RNF212B: variants seen among roughly 807,000 people sequenced by gnomAD.
RNF212B encodes the protein ring finger protein 212B, also known as E3 ubiquitin-protein ligase RNF212B.
Under a neutral mutation model 55.5 loss-of-function variants are expected in RNF212B, and 52 were observed. That is an observed-to-expected ratio of 0.94 (90% CI 0.75 to 1.18). The LOEUF (loss-of-function observed/expected upper bound fraction) is 1.18. Among genes scored for constraint, RNF212B ranks in the 50% most tolerant of loss-of-function variants. The probability of loss-of-function intolerance (pLI) is 0.00; values close to 1 mark genes in which losing one functional copy is unlikely to be tolerated. For synonymous variants in RNF212B, 99 were observed against 121.4 expected (o/e 0.82, Z 1.21); for missense variants, 289 against 350.4 (o/e 0.82, Z 1.40).
At chr14:23,264,801 C>A in intron 11 of RNF212B, 130 bp downstream of exon 11, 2 of 422,880 alleles carry the variant, frequency 4.7e-6, no homozygotes, top group Non-Finnish European at 8.0e-6. Context: ...TCCATGTATC[C>A]ATACATATAT....
At chr14:23,227,813 G>A (rs1415690371) in intron 2 of RNF212B, among the ~76,000 whole-genome samples, 1 of 152,014 alleles carries the variant, frequency 6.6e-6, no homozygotes, top group Non-Finnish European at 1.5e-5. Context: ...TGGCCAGGCT[G>A]ATCTCAAACT....
Position 23,209,615 on chromosome 14 carries a change from A to C in RNF212B, c.-2+16214A>C, listed in dbSNP as rs575637168. Among the ~76,000 whole-genome samples, 12 of 152,296 alleles carry C rather than the reference A, an allele frequency of 7.9e-5. No individual in the cohort carries two copies. In the East Asian group the frequency reaches 2.3e-3, roughly 29 times the overall value. On this transcript the variant is annotated intron_variant, in intron 2 of 15. Coordinates refer to the RNF212B transcript ENST00000399910. ...TACTTTGACTTCCAAATTTTAAATA[A>C]TATATGTAGATACTTTTTCTTGCAG...
chr14:23,264,132 A>T (rs1885506236), intron 9 of RNF212B, 42 bp from the exon 10 acceptor site: 1 of 1,442,418 alleles, frequency 6.9e-7, no homozygotes, highest in African/African-American at 1.4e-5. Flanking sequence ...AAGTAAAACT[A>T]GGTTTTTTGC....
At chr14:23,219,699 C>T (rs530139936) in intron 2 of RNF212B, among the ~76,000 whole-genome samples, 11 of 151,802 alleles carry the variant, frequency 7.2e-5, no homozygotes, top group South Asian at 2.1e-4. Context: ...CTCAAACTGC[C>T]GACCTCAGGT....
intron 11 of RNF212B, among the ~76,000 whole-genome samples, chr14:23,265,698 T>C (rs755385965): frequency 4.6e-5 from 7 of 152,226 alleles, no homozygotes; most frequent in African/African-American, 7.2e-5. Context: ...TCCTCTTTCT[T>C]TGTCAATCAT....
At chr14:23,243,173 T>G in intron 2 of RNF212B, 83 bp from the exon 3 acceptor site, 1 of 962,656 alleles carries the variant, frequency 1.0e-6, no homozygotes, top group Admixed American at 2.1e-5. Context: ...GCTAGCATAC[T>G]AGATTGTTGC....
chr14:23,202,049 G>A (rs1241474406), intron 2 of RNF212B, among the ~76,000 whole-genome samples: 1 of 152,074 alleles, frequency 6.6e-6, no homozygotes, highest in Non-Finnish European at 1.5e-5. Context: ...TCCGGAGTTC[G>A]AGACCAGCTT....
intron 2 of RNF212B, among the ~76,000 whole-genome samples, chr14:23,231,141 A>G (rs1882580263): frequency 6.6e-6 from 1 of 152,140 alleles, no homozygotes; most frequent in Non-Finnish European, 1.5e-5. Flanking sequence ...GGATTTTTCA[A>G]TTTCTGAAAA....
chr14:23,250,648 G>A (rs552509248), intron 4 of RNF212B, among the ~76,000 whole-genome samples: 42 of 152,222 alleles, frequency 2.8e-4, no homozygotes, highest in East Asian at 9.6e-4. Flanking sequence ...CGGAAAATCT[G>A]AGACAAGTCT....
chr14:23,258,708 T>C (rs34262711), intron 5 of RNF212B, 44 bp downstream of exon 5: 41 of 867,996 alleles, frequency 4.7e-5, no homozygotes, highest in South Asian at 9.0e-5. Flanking sequence ...TTTTTTTTTT[T>C]TTTTCTAAGA....
At chr14:23,266,322 T>C (rs1294063874) in intron 11 of RNF212B, among the ~76,000 whole-genome samples, 3 of 151,918 alleles carry the variant, frequency 2.0e-5, no homozygotes, top group Non-Finnish European at 4.4e-5. Flanking sequence ...CAATGTGTTG[T>C]TCAATATCTA....
intron 1 of RNF212B, among the ~76,000 whole-genome samples, chr14:23,188,751 T>G (rs1877840819): frequency 6.6e-6 from 1 of 152,164 alleles, no homozygotes; most frequent in African/African-American, 2.4e-5. Context: ...AGCCACTGTG[T>G]GAACCACTGT....
intron 4 of RNF212B, among the ~76,000 whole-genome samples, chr14:23,246,663 A>T (rs1312776761): frequency 6.6e-6 from 1 of 152,194 alleles, no homozygotes; most frequent in Non-Finnish European, 1.5e-5. Context: ...CCTGGCCTCA[A>T]GCAGTCCTCC....
upstream of RNF212B, among the ~76,000 whole-genome samples, chr14:23,237,852 C>T (rs1459723707): frequency 6.6e-6 from 1 of 151,838 alleles, no homozygotes; most frequent in East Asian, 2.0e-4. Context: ...CCACGCCCCG[C>T]GCACGCCACG....
At chr14:23,211,536 A>C (rs1463341789) in intron 2 of RNF212B, among the ~76,000 whole-genome samples, 2 of 152,172 alleles carry the variant, frequency 1.3e-5, no homozygotes, top group African/African-American at 2.4e-5. Flanking sequence ...CAGATACCAA[A>C]ATCATACAAA....
At chr14:23,190,116 T>C (rs1177741896) in intron 1 of RNF212B, among the ~76,000 whole-genome samples, 1 of 152,094 alleles carries the variant, frequency 6.6e-6, no homozygotes, top group Non-Finnish European at 1.5e-5. Context: ...CCCAACCTCA[T>C]TTGTCTCTTT....
At chr14:23,244,433 A>C (rs1175371872) in intron 4 of RNF212B, 37 bp downstream of exon 4, 1 of 1,170,900 alleles carries the variant, frequency 8.5e-7, no homozygotes. Context: ...CTGACTCTCC[A>C]GGCAAATTCT....
chr14:23,254,445 C>T (rs1446308640), intron 4 of RNF212B, among the ~76,000 whole-genome samples: 2 of 152,050 alleles, frequency 1.3e-5, no homozygotes, highest in African/African-American at 4.8e-5. Flanking sequence ...CATAGCAGGA[C>T]CCCATCTCTA....
At chr14:23,234,611 G>A (rs571304479), upstream of RNF212B, among the ~76,000 whole-genome samples, 14 of 152,166 alleles carry the variant, frequency 9.2e-5, no homozygotes, top group Middle Eastern at 3.4e-3. Context: ...ATTTATTAAC[G>A]TACTTGGTTC....
Sources: gnomAD v4.1 joint callset for allele counts (sites outside exome capture counted in the v4.1 genomes callset) on GRCh38, gnomAD v4.1.1 for gene constraint, MANE v1.5 for transcripts, NCBI Gene and HGNC (gene_info 2026-07-23, HGNC 2026-07-21) for gene names.